Variants in C10orf67 observed in about 807,000 individuals in gnomAD.
C10orf67 encodes the protein chromosome 10 open reading frame 67.
A neutral mutation model predicts 35.6 loss-of-function variants in C10orf67; 60 were observed. The ratio of observed to expected loss-of-function variants is 1.68; its 90% CI spans 1.37 to 2.09. The LOEUF is 2.09. C10orf67 is among the 30% of genes most tolerant of loss of function. The pLI, the probability that C10orf67 is intolerant of heterozygous loss-of-function variation, is 0.00. For missense variants in C10orf67, 474 were observed against 330.2 expected, an observed-to-expected ratio of 1.44 and a Z score of -3.38; for synonymous variants, 167 against 115.8, an observed-to-expected ratio of 1.44 and a Z score of -2.84.
At chr10:23,278,108 A>C (rs1198350387) in intron 8 of C10orf67, among the ~76,000 whole-genome samples, 1 of 152,124 alleles carries the variant, frequency 6.6e-6, no homozygotes, top group Non-Finnish European at 1.5e-5. Flanking sequence ...TGATACAATC[A>C]CCTCCCATGA....
intron 10 of C10orf67, among the ~76,000 whole-genome samples, chr10:23,261,890 GA>G (rs1842759761): frequency 6.6e-6 from 1 of 151,998 alleles, no homozygotes; most frequent in Admixed American, 6.5e-5. Flanking sequence ...AGTGTTAAAT[GA>G]AAAAAGGTTT....
chr10:23,201,951 G>A (rs1034759281), downstream of C10orf67: 24 of 152,026 alleles, frequency 1.6e-4, no homozygotes, highest in Non-Finnish European at 2.4e-4. Flanking sequence ...CTATATCTGC[G>A]ATGATTGATT....
At chr10:23,342,239 C>G (rs1845923018) in intron 1 of C10orf67, among the ~76,000 whole-genome samples, 1 of 151,678 alleles carries the variant, frequency 6.6e-6, no homozygotes, top group Non-Finnish European at 1.5e-5. Flanking sequence ...CACACACACA[C>G]ACTCTCACAC....
intron 7 of C10orf67, among the ~76,000 whole-genome samples, 198 bp downstream of exon 7, chr10:23,289,702 G>T (rs987969682): frequency 2.6e-5 from 4 of 152,190 alleles, no homozygotes; most frequent in African/African-American, 9.7e-5. Context: ...AACAAAAGAA[G>T]TATCTATACA....
chr10:23,233,192 C>T (rs1352988262), intron 13 of C10orf67, among the ~76,000 whole-genome samples: 3 of 152,058 alleles, frequency 2.0e-5, no homozygotes, highest in African/African-American at 4.8e-5. Flanking sequence ...AGAAACATGT[C>T]TGAGTTGAAG....
chr10:23,254,568 T>C (rs777233056), intron 10 of C10orf67, among the ~76,000 whole-genome samples: 1 of 152,178 alleles, frequency 6.6e-6, no homozygotes, highest in Admixed American at 6.5e-5. Flanking sequence ...TGTATATACA[T>C]TTATAATTAA....
At chr10:23,219,398 T>C (rs184076981) in intron 15 of C10orf67, among the ~76,000 whole-genome samples, 3 of 152,342 alleles carry the variant, frequency 2.0e-5, no homozygotes, top group African/African-American at 7.2e-5. Flanking sequence ...CAATAGCACC[T>C]AATTACTGGA....
chr10:23,264,500 G>T (rs898284678), intron 10 of C10orf67, among the ~76,000 whole-genome samples: 1 of 152,132 alleles, frequency 6.6e-6, no homozygotes, highest in African/African-American at 2.4e-5. Flanking sequence ...GGGAAAGATT[G>T]TCACACAAAG....
intron 5 of C10orf67, among the ~76,000 whole-genome samples, chr10:23,301,552 G>C (rs1844076326): frequency 6.6e-6 from 1 of 152,216 alleles, no homozygotes; most frequent in Admixed American, 6.5e-5. Context: ...CTTGCACCCA[G>C]AGCTCCCAAG....
intron 10 of C10orf67, among the ~76,000 whole-genome samples, chr10:23,261,238 TAC>T (rs149725484): frequency 8.6e-5 from 13 of 151,720 alleles, no homozygotes; most frequent in African/African-American, 1.2e-4. Context: ...AATACCTGCA[TAC>T]ACACACACAC....
chr10:23,277,882 G>A (rs988877428), intron 8 of C10orf67, among the ~76,000 whole-genome samples: 2 of 152,136 alleles, frequency 1.3e-5, no homozygotes, highest in Non-Finnish European at 2.9e-5. Context: ...ACGCTGTACA[G>A]GAAGCACAGG....
At chr10:23,269,834 C>T (rs991048273) in intron 8 of C10orf67, among the ~76,000 whole-genome samples, 8 of 151,534 alleles carry the variant, frequency 5.3e-5, no homozygotes, top group African/African-American at 7.3e-5. Flanking sequence ...GAGGGCATAA[C>T]GATCACAAAC....
chr10:23,326,936 A>C (rs1225973385), intron 2 of C10orf67, among the ~76,000 whole-genome samples: 1 of 152,136 alleles, frequency 6.6e-6, no homozygotes, highest in Non-Finnish European at 1.5e-5. Context: ...CAATATGAAG[A>C]GTTAACTGCA....
At chr10:23,306,382 G>A (rs1380787471) in intron 4 of C10orf67, among the ~76,000 whole-genome samples, 4 of 151,954 alleles carry the variant, frequency 2.6e-5, no homozygotes, top group Non-Finnish European at 5.9e-5. Context: ...AAATTAGCTG[G>A]GCATGGTGGC....
chr10:23,309,272 GC>G (rs1844405794), intron 4 of C10orf67, among the ~76,000 whole-genome samples: 1 of 152,104 alleles, frequency 6.6e-6, no homozygotes, highest in Admixed American at 6.6e-5. Flanking sequence ...ATTATCCTAA[GC>G]AAATTAATGC....
At chr10:23,231,352 T>C (rs1370603719) in intron 13 of C10orf67, among the ~76,000 whole-genome samples, 2 of 152,202 alleles carry the variant, frequency 1.3e-5, no homozygotes, top group African/African-American at 4.8e-5. Context: ...GGACTTTCTC[T>C]TTCTGGAGAA....
chr10:23,324,991 G>T (rs1482999659), intron 2 of C10orf67, among the ~76,000 whole-genome samples: 1 of 152,016 alleles, frequency 6.6e-6, no homozygotes, highest in Non-Finnish European at 1.5e-5. Context: ...GTGTTTGGGT[G>T]GGGTCCCAGG....
intron 15 of C10orf67, among the ~76,000 whole-genome samples, chr10:23,214,904 T>C (rs1841392024): frequency 6.6e-6 from 1 of 152,126 alleles, no homozygotes; most frequent in African/African-American, 2.4e-5. Context: ...GCACCTGTAA[T>C]CTCAGCTACT....
intron 13 of C10orf67, among the ~76,000 whole-genome samples, chr10:23,234,773 G>C (rs1842000778): frequency 6.6e-6 from 1 of 151,558 alleles, no homozygotes. Context: ...CCAGCACTTT[G>C]GGGGGCTGAG....
Sources: allele counts gnomAD v4.1 joint callset (sites outside exome capture counted in the v4.1 genomes callset), GRCh38; gene constraint gnomAD v4.1.1; transcripts MANE v1.5; gene names NCBI Gene and HGNC (gene_info 2026-07-23, HGNC 2026-07-21).